The following KCNMA1 variants were observed in gnomAD, a reference collection of about 807,000 sequenced individuals.
The protein encoded by KCNMA1 is Calcium-activated potassium channel subunit alpha-1.
A neutral mutation model predicts 140.0 loss-of-function variants in KCNMA1; 29 were observed. That is an observed-to-expected ratio of 0.21 (90% CI 0.15 to 0.28). The LOEUF is 0.28. Ranked by LOEUF, KCNMA1 falls within the 10% of genes least tolerant of loss-of-function variation. The pLI is 1.00. For synonymous variants in KCNMA1, 612 were observed against 611.9 expected (o/e 1.00, Z 0.00); for missense variants, 880 against 1,602.2 (o/e 0.55, Z 7.70).
intron 25 of KCNMA1, among the ~76,000 whole-genome samples, chr10:76,893,331 C>T (rs2041032698): frequency 6.6e-6 from 1 of 152,160 alleles, no homozygotes; most frequent in Admixed American, 6.5e-5. Context: ...CAGTCAGCTC[C>T]ATTCTCAACT....
intron 5 of KCNMA1, among the ~76,000 whole-genome samples, chr10:77,139,188 G>A (rs1342353090): frequency 6.6e-6 from 1 of 152,172 alleles, no homozygotes; most frequent in Non-Finnish European, 1.5e-5. Flanking sequence ...TTAAACCCAT[G>A]GTTTTACTCA....
At chr10:76,943,941 G>T (rs1282322847) in intron 23 of KCNMA1, among the ~76,000 whole-genome samples, 1 of 152,146 alleles carries the variant, frequency 6.6e-6, no homozygotes, top group Non-Finnish European at 1.5e-5. Context: ...ATCCTGGACT[G>T]ATGGGATTCT....
chr10:77,375,738 G>C (rs1307557503), intron 2 of KCNMA1, among the ~76,000 whole-genome samples: 1 of 152,242 alleles, frequency 6.6e-6, no homozygotes, highest in African/African-American at 2.4e-5. Context: ...GTTGCAGAGA[G>C]CTACCTGGCC....
chr10:77,501,900 A>G (rs2044045914), intron 1 of KCNMA1, among the ~76,000 whole-genome samples: 2 of 152,176 alleles, frequency 1.3e-5, no homozygotes, highest in African/African-American at 4.8e-5. Context: ...TTCCACTCAT[A>G]AAGATGCAGT....
intron 2 of KCNMA1, among the ~76,000 whole-genome samples, chr10:77,277,478 C>T (rs1168440565): frequency 6.6e-6 from 1 of 152,206 alleles, no homozygotes; most frequent in Non-Finnish European, 1.5e-5. Flanking sequence ...GTTTCTCCAA[C>T]ACCCAGTCCA....
At chr10:77,131,532 T>TATGGTCAG (rs1233652651) in intron 5 of KCNMA1, among the ~76,000 whole-genome samples, 1 of 151,994 alleles carries the variant, frequency 6.6e-6, no homozygotes, top group Non-Finnish European at 1.5e-5. Context: ...AAAACTGATA[T>TATGGTCAG]ATGGTCAGGA....
At position 77,086,560 on chromosome 10, in the gene KCNMA1, G is replaced by T; in HGVS notation, c.1368C>A (p.Phe456Leu). ...ISPNLELEAL[F>L]KRHFTQVEFY... ...ATTCCACCTGAGTAAAATGTCGTTT[G>T]AACAGAGCTTCAAGCTCCAGGTTGG... Residue 456 changes from phenylalanine (F) to leucine (L), a missense_variant, in exon 11 of 28, where the codon TTC becomes TTA. By Grantham distance (22) the Phe-to-Leu change is conservative. Coordinates refer to ENST00000286628, the MANE Select transcript of KCNMA1 (RefSeq NM_001161352.2). 1 of 1,613,928 alleles carries T rather than the reference G, an allele frequency of 6.2e-7. No individual in the cohort carries two copies. Among genetic ancestry groups the T allele is most frequent in the Non-Finnish European group, 8.5e-7 (1 of 1,179,828 alleles).
chr10:77,637,765 C>G lies in KCNMA1; in HGVS notation c.-123G>C. 1 of 1,260,210 alleles carries G rather than the reference C, an allele frequency of 7.9e-7. No homozygotes were observed. The highest frequency in any genetic ancestry group is 1.0e-6 in the Non-Finnish European group (1 of 1,001,988). The allele number at this position is 1,260,210 out of a possible 1,614,324, so 78.1% of individuals were successfully genotyped here. ...TGCCGCCGCCGCCGCCGCCGCGGAGCGCGGGAGGGGGGCGGGGAGGCGCCT... is the reference window on the plus strand; with the variant it reads ...TGCCGCCGCCGCCGCCGCCGCGGAGGGCGGGAGGGGGGCGGGGAGGCGCCT... On this transcript the variant is annotated 5_prime_UTR_variant, in exon 1 of 28. Coordinates refer to ENST00000286628, the MANE Select transcript of KCNMA1 (RefSeq NM_001161352.2).
chr10:77,036,935 T>C (rs2094373989), intron 15 of KCNMA1, among the ~76,000 whole-genome samples: 1 of 152,250 alleles, frequency 6.6e-6, no homozygotes, highest in Admixed American at 6.5e-5. Context: ...CCTTCTTTTA[T>C]TGATCATTTC....
chr10:77,566,549 G>A (rs115134868), intron 1 of KCNMA1, among the ~76,000 whole-genome samples: 2,227 of 152,242 alleles, frequency 0.015, 61 homozygotes, highest in African/African-American at 0.051. Flanking sequence ...CCCATCACTG[G>A]AGAGGGAGGA....
At chr10:77,084,781 G>T in intron 11 of KCNMA1, 62 bp from the exon 12 acceptor site, 2 of 1,158,086 alleles carry the variant, frequency 1.7e-6, no homozygotes, top group South Asian at 1.2e-5. Context: ...CTCGAGTGTA[G>T]TCTCTCTCTG....
intron 1 of KCNMA1, among the ~76,000 whole-genome samples, chr10:77,576,180 C>T (rs1158790295): frequency 6.6e-6 from 1 of 152,138 alleles, no homozygotes; most frequent in African/African-American, 2.4e-5. Context: ...GGAACAAGGC[C>T]CTAGACTAGC....
At chr10:76,898,361 CT>C (rs1395570145) in intron 25 of KCNMA1, among the ~76,000 whole-genome samples, 1 of 151,776 alleles carries the variant, frequency 6.6e-6, no homozygotes, top group African/African-American at 2.4e-5. Flanking sequence ...TAGAATTACA[CT>C]AGAATAAATC....
At chr10:77,381,880 C>T (rs571313899) in intron 2 of KCNMA1, among the ~76,000 whole-genome samples, 4 of 152,272 alleles carry the variant, frequency 2.6e-5, no homozygotes, top group East Asian at 1.9e-4. Flanking sequence ...CTGGGCAACC[C>T]GGCTTCCAAT....
chr10:77,202,937 CAG>C (rs2042913079), intron 3 of KCNMA1, among the ~76,000 whole-genome samples: 1 of 152,138 alleles, frequency 6.6e-6, no homozygotes, highest in Non-Finnish European at 1.5e-5. Context: ...AAAAAGAAAA[CAG>C]AGAAATGTGC....
chr10:77,629,567 T>G (rs2092941964), intron 1 of KCNMA1, among the ~76,000 whole-genome samples: 1 of 152,196 alleles, frequency 6.6e-6, no homozygotes, highest in South Asian at 2.1e-4. Context: ...TCTACGTGTG[T>G]TTACATTTGC....
intron 2 of KCNMA1, among the ~76,000 whole-genome samples, chr10:77,252,384 A>G (rs1436932503): frequency 1.3e-5 from 2 of 152,238 alleles, no homozygotes; most frequent in African/African-American, 4.8e-5. Flanking sequence ...CTTTCCAGGT[A>G]TGCTAATACC....
At position 77,590,038 on chromosome 10, in the gene KCNMA1, T is replaced by A. The variant is rs1018929353; in HGVS notation, c.378+47227A>T. Among the ~76,000 whole-genome samples the A allele has an allele frequency of 6.6e-5, 10 of 152,096 alleles. No individual in the cohort carries two copies. The East Asian group carries it at 1.7e-3, about 26-fold the overall frequency. ...AAGGTTCTCTAAGTCCCCACCAGAG[T>A]AGCTAGATACAGAGTGTCCACTGGT... On this transcript the variant is annotated intron_variant, in intron 1 of 27. Coordinates refer to ENST00000286628, the MANE Select transcript of KCNMA1 (RefSeq NM_001161352.2).
chr10:77,422,500 C>T (rs764012188), intron 1 of KCNMA1, among the ~76,000 whole-genome samples: 2 of 152,244 alleles, frequency 1.3e-5, no homozygotes, highest in Non-Finnish European at 2.9e-5. Context: ...TGTCCACTTT[C>T]TCACACTGGC....
Sources: allele counts gnomAD v4.1 joint callset (sites outside exome capture counted in the v4.1 genomes callset), GRCh38; gene constraint gnomAD v4.1.1; transcripts MANE v1.5; gene names NCBI Gene and HGNC (gene_info 2026-07-23, HGNC 2026-07-21).